Variants in MYH15 observed in about 807,000 individuals in gnomAD.
The protein encoded by MYH15 is myosin heavy chain 15, also known as myosin-15.
In MYH15, 227 loss-of-function variants were observed where a neutral mutation model predicts 240.5. The observed-to-expected ratio is 0.94, with a 90% CI of 0.85 to 1.05. The LOEUF (loss-of-function observed/expected upper bound fraction) is 1.05, where lower values mean the gene tolerates loss of function less well. Among genes scored for constraint, MYH15 ranks in the 50% least tolerant of loss-of-function variants. The pLI, the probability that MYH15 is intolerant of heterozygous loss-of-function variation, is 0.00. For synonymous variants in MYH15, 785 were observed against 796.7 expected, an observed-to-expected ratio of 0.99 and a Z score of 0.25; for missense variants, 2,217 against 2,247.5, an observed-to-expected ratio of 0.99 and a Z score of 0.27.
chr3:108,431,287 G>T (rs2082777222), intron 25 of MYH15, among the ~76,000 whole-genome samples: 1 of 152,150 alleles, frequency 6.6e-6, no homozygotes, highest in South Asian at 2.1e-4. Flanking sequence ...ACCTGATAAG[G>T]TTTGGCTGTG....
At chr3:108,432,019 C>T (rs1208183773) in intron 25 of MYH15, among the ~76,000 whole-genome samples, 1 of 151,994 alleles carries the variant, frequency 6.6e-6, no homozygotes, top group Non-Finnish European at 1.5e-5. Context: ...AGCAGCAAAG[C>T]ATTCAAGAGA....
intron 1 of MYH15, among the ~76,000 whole-genome samples, chr3:108,518,878 T>C (rs1368331638): frequency 6.7e-6 from 1 of 149,212 alleles, no homozygotes; most frequent in Admixed American, 6.6e-5. Flanking sequence ...TCCTATTTTA[T>C]TATTATTTGT....
intron 6 of MYH15, among the ~76,000 whole-genome samples, chr3:108,496,835 C>T (rs2083394989): frequency 6.7e-6 from 1 of 149,376 alleles, no homozygotes; most frequent in Non-Finnish European, 1.5e-5. Context: ...ATCTAAAATG[C>T]TTGTAAAAAC....
chr3:108,398,681 C>G lies in MYH15; in HGVS notation c.5089G>C (p.Glu1697Gln). Residue 1697 changes from glutamate to glutamine, a missense_variant, in exon 35 of 41, where the codon GAG becomes CAG. By Grantham distance (29) the Glu-to-Gln change is conservative. Transcript: ENST00000693548. ...TERGRRLSEE[E>Q]LLEATERINL... ...ATTCTTTCTGTTGCTTCCAGGAGCTCTTCTTCTGACAGCCTGCGGCCACGC... is the reference window on the plus strand; with the variant it reads ...ATTCTTTCTGTTGCTTCCAGGAGCTGTTCTTCTGACAGCCTGCGGCCACGC... The G allele has an allele frequency of 4.3e-6, 7 of 1,613,868 alleles. No homozygotes were observed. The highest frequency in any genetic ancestry group is 5.1e-6 in the Non-Finnish European group (6 of 1,180,004).
At chr3:108,396,893 G>C (rs1168616902) in intron 35 of MYH15, among the ~76,000 whole-genome samples, 1 of 152,096 alleles carries the variant, frequency 6.6e-6, no homozygotes, top group East Asian at 1.9e-4. Context: ...TTTTCAGTAG[G>C]GGGAACATTG....
chr3:108,476,194 G>A (rs1560408736), intron 12 of MYH15, among the ~76,000 whole-genome samples: 1 of 152,176 alleles, frequency 6.6e-6, no homozygotes, highest in Non-Finnish European at 1.5e-5. Flanking sequence ...CTTTCAAAAT[G>A]TATGTTTCAG....
the MYH15 span, among the ~76,000 whole-genome samples, chr3:108,534,812 T>G: frequency 2.6e-5 from 4 of 151,738 alleles, no homozygotes; most frequent in Non-Finnish European, 4.4e-5. Flanking sequence ...GCCCAGGAGG[T>G]TGAGGCTGCA....
the MYH15 span, among the ~76,000 whole-genome samples, chr3:108,540,845 C>A: frequency 3.3e-5 from 5 of 151,904 alleles, no homozygotes; most frequent in South Asian, 2.1e-4. Flanking sequence ...GATGACAGAA[C>A]GGGTTTATTA....
Position 108,399,273 on chromosome 3 carries a change from T to A in MYH15, c.4737-6A>T, listed in dbSNP as rs1179041122. 1.2e-6 allele frequency: 2 copies of A among 1,603,394 alleles called. No homozygotes were observed. Among genetic ancestry groups the A allele is most frequent in the Non-Finnish European group, 1.7e-6 (2 of 1,172,018 alleles). On this transcript the variant is annotated splice_polypyrimidine_tract_variant and splice_region_variant and intron_variant, in intron 33 of 40. Coordinates refer to ENST00000693548, the MANE Select transcript of MYH15 (RefSeq NM_014981.3). ...TGGTACACTGCTGCTTCCTCCTAAT[T>A]TGAAATAACATTTGGAGTGGGGGAA...
the MYH15 span, among the ~76,000 whole-genome samples, chr3:108,538,160 T>G: frequency 6.6e-6 from 1 of 152,192 alleles, no homozygotes; most frequent in African/African-American, 2.4e-5. Context: ...CGTTGTGTAT[T>G]GTGTGGGATC....
chr3:108,385,171 A>T (rs929457449), intron 38 of MYH15, among the ~76,000 whole-genome samples: 1 of 152,232 alleles, frequency 6.6e-6, no homozygotes, highest in Admixed American at 6.5e-5. Flanking sequence ...TGACGAAAAC[A>T]GCAATAGCTT....
Position 108,381,547 on chromosome 3 carries a change from A to G in MYH15, c.5779T>C (p.Ter1927GlnextTer5), listed in dbSNP as rs1560298435. The change falls in exon 41 of 41, where the codon TAG becomes CAG. Residue 1927 changes from the stop codon to glutamine, a stop_lost. Coordinates refer to ENST00000693548, the MANE Select transcript of MYH15 (RefSeq NM_014981.3). The stretch of plus-strand genomic sequence containing the variant: ...TTGTCCTTTCAAAGCAGGGGATGCT[A>G]TTCTTCTTGAACCTGAAAAACAGAA... ...REFGKKVQEE[*>Q] 6.2e-7 allele frequency: 1 copy of G among 1,613,878 alleles called. No homozygotes were observed. The highest frequency in any genetic ancestry group is 1.7e-5 in the Admixed American group (1 of 60,010).
At chr3:108,504,598 G>A (rs1384548769) in intron 2 of MYH15, among the ~76,000 whole-genome samples, 1 of 152,158 alleles carries the variant, frequency 6.6e-6, no homozygotes, top group Non-Finnish European at 1.5e-5. Flanking sequence ...ATGGATTTGG[G>A]AAAAGGAAGA....
At chr3:108,436,025 C>A (rs2082831959) in intron 25 of MYH15, among the ~76,000 whole-genome samples, 1 of 152,074 alleles carries the variant, frequency 6.6e-6, no homozygotes, top group East Asian at 1.9e-4. Flanking sequence ...TATGAGGTAG[C>A]AATTTCTCTC....
intron 21 of MYH15, among the ~76,000 whole-genome samples, chr3:108,450,621 A>G (rs149831889): frequency 2.7e-4 from 41 of 152,322 alleles, no homozygotes; most frequent in Admixed American, 3.9e-4. Context: ...TGAGGATCTA[A>G]TATACAGCAT....
At chr3:108,414,918 C>G (rs2082621977) in intron 29 of MYH15, among the ~76,000 whole-genome samples, 1 of 152,172 alleles carries the variant, frequency 6.6e-6, no homozygotes, top group Admixed American at 6.5e-5. Flanking sequence ...AGTACTACTG[C>G]CCAACAGAAC....
At chr3:108,528,831 C>G (rs777012403) in intron 1 of MYH15, among the ~76,000 whole-genome samples, 19 of 152,148 alleles carry the variant, frequency 1.2e-4, no homozygotes, top group Non-Finnish European at 2.6e-4. Flanking sequence ...GGGGTTGGTC[C>G]CAGAGAAAAC....
chr3:108,455,033 T>C (rs980695468), intron 20 of MYH15, among the ~76,000 whole-genome samples: 3 of 152,216 alleles, frequency 2.0e-5, no homozygotes, highest in African/African-American at 7.2e-5. Flanking sequence ...ACTCAAAATA[T>C]GGGAGTCAAC....
intron 16 of MYH15, among the ~76,000 whole-genome samples, chr3:108,460,678 A>T (rs1448177226): frequency 6.6e-6 from 1 of 152,212 alleles, no homozygotes; most frequent in Admixed American, 6.5e-5. Flanking sequence ...ATGAGAGAAT[A>T]TGCATACAGT....
Sources: allele counts gnomAD v4.1 joint callset (sites outside exome capture counted in the v4.1 genomes callset), GRCh38; gene constraint gnomAD v4.1.1; transcripts MANE v1.5; gene names NCBI Gene and HGNC (gene_info 2026-07-23, HGNC 2026-07-21).